Variants in PLET1 observed in about 807,000 individuals in gnomAD.
PLET1 encodes placenta expressed transcript 1, also known as placenta-expressed transcript 1 protein.
Under a neutral mutation model 18.5 loss-of-function variants are expected in PLET1, and 20 were observed. The ratio of observed to expected loss-of-function variants is 1.08; its 90% confidence interval spans 0.76 to 1.57. PLET1 has a LOEUF of 1.57. Among genes scored for constraint, PLET1 ranks in the 40% most tolerant of loss-of-function variants. The pLI is 0.00. For synonymous variants in PLET1, 93 were observed against 93.8 expected, an observed-to-expected ratio of 0.99 and a Z score of 0.05; for missense variants, 256 against 246.4, an observed-to-expected ratio of 1.04 and a Z score of -0.26.
At chr11:112,259,137 C>G (rs1860258647) in intron 1 of PLET1, among the ~76,000 whole-genome samples, 1 of 152,180 alleles carries the variant, frequency 6.6e-6, no homozygotes, top group African/African-American at 2.4e-5. Flanking sequence ...CAGTTCTTGT[C>G]TGTAAAATGA....
At chr11:112,255,322 G>C in intron 2 of PLET1, 66 bp downstream of exon 2, 1 of 1,456,944 alleles carries the variant, frequency 6.9e-7, no homozygotes, top group Non-Finnish European at 9.4e-7. Flanking sequence ...TCCTAGCTTA[G>C]TGTAAAACTG....
At chr11:112,252,590 G>C (rs1373986610) in intron 2 of PLET1, among the ~76,000 whole-genome samples, 181 bp from the exon 3 acceptor site, 1 of 152,108 alleles carries the variant, frequency 6.6e-6, no homozygotes, top group South Asian at 2.1e-4. Flanking sequence ...CACGATCTTG[G>C]TCAACTTCCA....
At chr11:112,250,540 A>G (rs1170798046) in intron 3 of PLET1, among the ~76,000 whole-genome samples, 1 of 152,204 alleles carries the variant, frequency 6.6e-6, no homozygotes, top group Non-Finnish European at 1.5e-5. Flanking sequence ...CTTTACATCA[A>G]TAAAGTAATA....
intron 3 of PLET1, among the ~76,000 whole-genome samples, chr11:112,250,109 T>A (rs1860139203): frequency 6.6e-6 from 1 of 151,078 alleles, no homozygotes; most frequent in East Asian, 1.9e-4. Context: ...GCCAAATGTT[T>A]CTCTGGCATC....
chr11:112,253,267 C>G (rs981211952), intron 2 of PLET1, among the ~76,000 whole-genome samples: 2 of 152,150 alleles, frequency 1.3e-5, no homozygotes, highest in Admixed American at 1.3e-4. Flanking sequence ...TAGGCCTTGC[C>G]TCCCTAACCT....
intron 1 of PLET1, among the ~76,000 whole-genome samples, chr11:112,259,103 T>A (rs1860258432): frequency 6.6e-6 from 1 of 152,250 alleles, no homozygotes; most frequent in Non-Finnish European, 1.5e-5. Flanking sequence ...CTTATTAGTG[T>A]AAATTTTTAA....
intron 1 of PLET1, among the ~76,000 whole-genome samples, chr11:112,259,242 T>A (rs997047781): frequency 2.0e-5 from 3 of 152,172 alleles, no homozygotes; most frequent in African/African-American, 7.2e-5. Flanking sequence ...AAAGGCAGGG[T>A]CTCTGAAGCT....
intron 1 of PLET1, among the ~76,000 whole-genome samples, chr11:112,258,260 A>G (rs1860245722): frequency 6.7e-6 from 1 of 148,244 alleles, no homozygotes; most frequent in Non-Finnish European, 1.5e-5. Flanking sequence ...TAGCATCTTC[A>G]TATGATAGAT....
At chr11:112,249,783 C>G (rs986320805) in intron 3 of PLET1, among the ~76,000 whole-genome samples, 1 of 151,722 alleles carries the variant, frequency 6.6e-6, no homozygotes, top group African/African-American at 2.4e-5. Flanking sequence ...ATGGTGAAAC[C>G]CTGTCTCTAC....
intron 1 of PLET1, among the ~76,000 whole-genome samples, chr11:112,259,497 T>C (rs1860263011): frequency 6.6e-6 from 1 of 152,204 alleles, no homozygotes. Context: ...AAATATCTAC[T>C]GGACACCTCT....
intron 2 of PLET1, among the ~76,000 whole-genome samples, chr11:112,254,219 GAAAAGGGGGTA>G (rs1860187156): frequency 6.2e-5 from 9 of 146,328 alleles, no homozygotes; most frequent in Non-Finnish European, 9.1e-5. Context: ...GTGTGTGTGT[GAAAAGGGGGTA>G]TGTGTGGGAA....
intron 2 of PLET1, among the ~76,000 whole-genome samples, chr11:112,255,070 GGTGTGTGTGGT>G: frequency 6.0e-5 from 1 of 16,674 alleles, no homozygotes. Flanking sequence ...GTGTGTGTGT[GGTGTGTGTGGT>G]ATGTGTGGTG....
At position 112,251,276 on chromosome 11, in the gene PLET1, T is replaced by C. The variant is rs1433785660; in HGVS notation, c.448+1072A>G. Among the ~76,000 whole-genome samples, 4 of 101,946 alleles carry C rather than the reference T, an allele frequency of 3.9e-5. No homozygotes were observed. In the East Asian group the frequency reaches 1.3e-3, roughly 32 times the overall value. The allele number at this position is 101,946 out of a possible 152,430, so 66.9% of individuals were successfully genotyped here. On this transcript the variant is annotated intron_variant, in intron 3 of 3. Coordinates refer to ENST00000338832, the MANE Select transcript of PLET1 (RefSeq NM_001145024.1). ...CTGAATCTCCTTTCTTGAACCTTTTTGTAAATTAAAAAAAAAAAAAAATTA... is the reference window on the plus strand; with the variant it reads ...CTGAATCTCCTTTCTTGAACCTTTTCGTAAATTAAAAAAAAAAAAAAATTA...
intron 3 of PLET1, among the ~76,000 whole-genome samples, chr11:112,250,220 C>CTTTTTTTTTTTTTTTTTTTTTTT (rs33963716): frequency 4.0e-5 from 2 of 49,868 alleles, no homozygotes. Flanking sequence ...AGAAACAAAC[C>CTTTTTTTTTTTTTTTTTTTTTTT]TTTTTTTTTT....
intron 3 of PLET1, 134 bp downstream of exon 3, chr11:112,252,214 C>A: frequency 1.2e-6 from 1 of 801,470 alleles, no homozygotes; most frequent in Non-Finnish European, 2.1e-6. Context: ...TCTCAAGGTG[C>A]AGGGAGACTC....
intron 3 of PLET1, among the ~76,000 whole-genome samples, 153 bp from the exon 4 acceptor site, chr11:112,249,127 A>G (rs1363377868): frequency 1.3e-5 from 2 of 152,110 alleles, no homozygotes; most frequent in Middle Eastern, 3.2e-3. Context: ...TCCAGTGCCA[A>G]GTGTTTTCAG....
At chr11:112,249,980 A>G in intron 3 of PLET1, among the ~76,000 whole-genome samples, 1 of 149,738 alleles carries the variant, frequency 6.7e-6, no homozygotes, top group Non-Finnish European at 1.5e-5. Flanking sequence ...AAAAAAAAAA[A>G]AAAAGGAAAA....
Position 112,248,526 on chromosome 11 carries a change from T to C in PLET1, c.*273A>G. 1 of 444,226 alleles carries C rather than the reference T, an allele frequency of 2.3e-6. No individual in the cohort carries two copies. The highest frequency in any genetic ancestry group is 3.9e-6 in the Non-Finnish European group (1 of 253,304). The allele number at this position is 444,226 out of a possible 1,614,324, so 27.5% of individuals were successfully genotyped here. A position where few individuals can be genotyped will look rare whatever the true frequency, so the allele number is the denominator to read the frequency against. ...ATTGGCTGCCAACCTGTTCAACCAA[T>C]AGGGAGAACCTAGGTGACTAAGTTC... On this transcript the variant is annotated 3_prime_UTR_variant, in exon 4 of 4. Coordinates refer to ENST00000338832, the MANE Select transcript of PLET1 (RefSeq NM_001145024.1).
Position 112,248,975 on chromosome 11 carries a change from C to A in PLET1, c.449-1G>T, listed in dbSNP as rs1860127562. 1 of 1,549,852 alleles carries A rather than the reference C, an allele frequency of 6.5e-7. No homozygotes were observed. The highest frequency in any genetic ancestry group is 2.0e-5 in the Admixed American group (1 of 50,966). Reference sequence around the variant, plus strand: ...TTGGCAGCTAAGGCTAAGGTTGACACTGGAAAGGTGGTTGAGGGTGCGGTT... The same window carrying A: ...TTGGCAGCTAAGGCTAAGGTTGACAATGGAAAGGTGGTTGAGGGTGCGGTT... On this transcript the variant is annotated splice_acceptor_variant, in intron 3 of 3. Coordinates refer to ENST00000338832, the MANE Select transcript of PLET1 (RefSeq NM_001145024.1). LOFTEE classifies it high-confidence loss of function.
Sources: allele counts gnomAD v4.1 joint callset (sites outside exome capture counted in the v4.1 genomes callset), GRCh38; gene constraint gnomAD v4.1.1; transcripts MANE v1.5; gene names NCBI Gene and HGNC (gene_info 2026-07-23, HGNC 2026-07-21).